ADCY5: variants seen among roughly 807,000 people sequenced by gnomAD.
The protein encoded by ADCY5 is adenylate cyclase 5, also known as adenylate cyclase type 5.
In ADCY5, 30 loss-of-function variants were observed where a neutral mutation model predicts 119.7. The ratio of observed to expected loss-of-function variants is 0.25; its 90% CI spans 0.19 to 0.34. The LOEUF (loss-of-function observed/expected upper bound fraction) is 0.34, where lower values mean the gene tolerates loss of function less well. Among genes scored for constraint, ADCY5 ranks in the 10% least tolerant of loss-of-function variants. The pLI is 1.00. For missense variants in ADCY5, 1,324 were observed against 1,775.2 expected (o/e 0.75, Z 4.57); for synonymous variants, 753 against 762.2 (o/e 0.99, Z 0.20).
intron 1 of ADCY5, among the ~76,000 whole-genome samples, chr3:123,359,350 A>G (rs1030464776): frequency 1.1e-4 from 13 of 120,846 alleles, no homozygotes; most frequent in Middle Eastern, 3.9e-3. Flanking sequence ...ATATATATAT[A>G]TATATATATA....
chr3:123,284,748 C>A lies in ADCY5; in HGVS notation c.3658-12G>T, dbSNP rs1010903820. 2 of 1,613,994 alleles carry A rather than the reference C, an allele frequency of 1.2e-6. No individual in the cohort carries two copies. The highest frequency in any genetic ancestry group is 1.7e-6 in the Non-Finnish European group (2 of 1,179,922). On this transcript the variant is annotated splice_polypyrimidine_tract_variant and intron_variant, in intron 20 of 20. Transcript: ENST00000462833. ...ATGTCTGTGGTGACCTGTGGGGGAACAGGAGGAGAGAGGGCAAGCCACTGA... is the reference window on the plus strand; with the variant it reads ...ATGTCTGTGGTGACCTGTGGGGGAAAAGGAGGAGAGAGGGCAAGCCACTGA...
In ADCY5 at chr3:123,284,313, C is replaced by T; in HGVS notation, c.*295G>A. 2.7e-6 allele frequency: 1 copy of T among 369,632 alleles called. No homozygotes were observed. Among genetic ancestry groups the T allele is most frequent in the Non-Finnish European group, 5.0e-6 (1 of 199,270 alleles). 22.9% of individuals were successfully genotyped at this position (369,632 alleles called of 1,614,324 possible). A position where few individuals can be genotyped will look rare whatever the true frequency, so the allele number is the denominator to read the frequency against. ...ACACATTCCCACGGCTCCTTTCCAC[C>T]TGTGCAGCAGCACCTGTTAGAAAAC... On this transcript the variant is annotated 3_prime_UTR_variant, in exon 21 of 21. Transcript: ENST00000462833.
chr3:123,313,852 G>A (rs1477925574), intron 12 of ADCY5, among the ~76,000 whole-genome samples: 3 of 152,208 alleles, frequency 2.0e-5, no homozygotes, highest in African/African-American at 7.2e-5. Flanking sequence ...CAAAGCGGGT[G>A]TCGAGAGAGA....
rs199927618 is a variant in ADCY5 at position 123,287,603 on chromosome 3, ACTAGGC to A, written c.3533-800_3533-795del. On this transcript the variant is annotated intron_variant, in intron 19 of 20. Coordinates refer to ENST00000462833, the MANE Select transcript of ADCY5 (RefSeq NM_183357.3). ...AGGACTGAAAACACACAAGCTCCAA[ACTAGGC>A]CCCTGGTGACCCTCACTTGGTCAGC... Among the ~76,000 whole-genome samples the A allele has an allele frequency of 8.6e-3, 1,309 of 152,150 alleles. 9 individuals are homozygous for A. Among genetic ancestry groups the A allele is most frequent in the African/African-American group, 0.03 (1,227 of 41,506 alleles).
At chr3:123,360,610 C>A (rs1214057789) in intron 1 of ADCY5, among the ~76,000 whole-genome samples, 1 of 152,128 alleles carries the variant, frequency 6.6e-6, no homozygotes, top group East Asian at 1.9e-4. Flanking sequence ...CACACCTACC[C>A]CAGCTACTCA....
chr3:123,435,604 T>C (rs1340614519), intron 1 of ADCY5, among the ~76,000 whole-genome samples: 1 of 151,706 alleles, frequency 6.6e-6, no homozygotes, highest in Admixed American at 6.6e-5. Flanking sequence ...TAAGAAAACC[T>C]TTTTTTTAAG....
chr3:123,288,018 G>T (rs749651178), intron 19 of ADCY5, among the ~76,000 whole-genome samples: 1 of 152,264 alleles, frequency 6.6e-6, no homozygotes, highest in African/African-American at 2.4e-5. Context: ...TGTTACACAA[G>T]ACCAAGAGTG....
At chr3:123,397,936 AAAGAGAGGACC>A (rs1164115571) in intron 1 of ADCY5, among the ~76,000 whole-genome samples, 1 of 152,152 alleles carries the variant, frequency 6.6e-6, no homozygotes, top group African/African-American at 2.4e-5. Context: ...CTGGGAGAGT[AAAGAGAGGACC>A]AAGAGAAGAG....
intron 1 of ADCY5, among the ~76,000 whole-genome samples, chr3:123,439,212 C>T (rs1033261729): frequency 4.0e-5 from 6 of 151,514 alleles, no homozygotes; most frequent in African/African-American, 1.2e-4. Flanking sequence ...GGACTACAGG[C>T]GCCCGCCACC....
chr3:123,328,561 T>G, intron 6 of ADCY5, 83 bp downstream of exon 6: 3 of 1,272,052 alleles, frequency 2.4e-6, no homozygotes, highest in Non-Finnish European at 3.3e-6. Flanking sequence ...CTGCCCCGCC[T>G]CGCCTCTGCA....
intron 1 of ADCY5, among the ~76,000 whole-genome samples, chr3:123,407,410 C>G (rs1007082356): frequency 6.6e-6 from 1 of 151,990 alleles, no homozygotes; most frequent in Non-Finnish European, 1.5e-5. Flanking sequence ...ATCCATAAAA[C>G]ACGAATAAAG....
intron 1 of ADCY5, among the ~76,000 whole-genome samples, chr3:123,389,545 G>A (rs536211473): frequency 3.9e-5 from 6 of 151,928 alleles, no homozygotes; most frequent in Non-Finnish European, 5.9e-5. Context: ...ACACACATGC[G>A]CACACACACG....
intron 1 of ADCY5, among the ~76,000 whole-genome samples, chr3:123,443,482 A>G (rs1945758317): frequency 6.6e-6 from 1 of 151,974 alleles, no homozygotes; most frequent in Admixed American, 6.6e-5. Flanking sequence ...TCACGTACAC[A>G]CATGCACCCC....
chr3:123,375,282 A>G (rs1943785968), intron 1 of ADCY5, among the ~76,000 whole-genome samples: 1 of 152,234 alleles, frequency 6.6e-6, no homozygotes, highest in African/African-American at 2.4e-5. Flanking sequence ...AGATATAAAC[A>G]GCTCTGCCTC....
chr3:123,306,037 AGCCTGTG>A (rs1388132212), intron 12 of ADCY5, among the ~76,000 whole-genome samples: 1 of 152,214 alleles, frequency 6.6e-6, no homozygotes, highest in Non-Finnish European at 1.5e-5. Context: ...TATACCATCA[AGCCTGTG>A]GCACATGTTC....
At chr3:123,350,658 T>C (rs1942795082) in intron 2 of ADCY5, among the ~76,000 whole-genome samples, 1 of 152,184 alleles carries the variant, frequency 6.6e-6, no homozygotes, top group African/African-American at 2.4e-5. Flanking sequence ...CCTTGCTGGC[T>C]ATGGCCGGTT....
chr3:123,325,446 A>T lies in ADCY5; in HGVS notation c.1964T>A (p.Met655Lys). 1.9e-6 allele frequency: 3 copies of T among 1,614,110 alleles called. No homozygotes were observed. The highest frequency in any genetic ancestry group is 2.5e-6 in the Non-Finnish European group (3 of 1,180,022). ...CTQKRKEEKAMIAKMNRQRTN... is the reference protein window; with the variant it reads ...CTQKRKEEKAKIAKMNRQRTN... ...TCTCTGGCGGTTCATCTTGGCGATC[A>T]TGGCCTTCTCTTCTTTCTGGAAGAC... is the stretch of plus-strand genomic sequence containing the variant. The change falls in exon 8 of 21, where the codon ATG becomes AAG. Residue 655 changes from methionine to lysine, a missense_variant. Around this residue, in one of 6 missense-constraint regions of ADCY5, gnomAD observed 424 missense variants for 546.8 expected, o/e 0.78. Coordinates refer to ENST00000462833, the MANE Select transcript of ADCY5 (RefSeq NM_183357.3).
At chr3:123,290,923 G>C (rs1939104573) in intron 18 of ADCY5, among the ~76,000 whole-genome samples, 190 bp downstream of exon 18, 1 of 152,240 alleles carries the variant, frequency 6.6e-6, no homozygotes, top group Non-Finnish European at 1.5e-5. Flanking sequence ...GATGATGAGA[G>C]AGGCCATGTG....
chr3:123,425,761 G>A (rs1393409649), intron 1 of ADCY5, among the ~76,000 whole-genome samples: 1 of 137,964 alleles, frequency 7.2e-6, no homozygotes, highest in Non-Finnish European at 1.5e-5. Context: ...CTTACAAGCT[G>A]GTCCCAGTCA....
Sources: allele counts gnomAD v4.1 joint callset (sites outside exome capture counted in the v4.1 genomes callset), GRCh38; gene constraint gnomAD v4.1.1; regional missense constraint gnomAD v4.1.1; transcripts MANE v1.5; gene names NCBI Gene and HGNC (gene_info 2026-07-23, HGNC 2026-07-21).